The following SMAD1 variants were observed in gnomAD, a reference collection of about 807,000 sequenced individuals.
SMAD1 encodes the protein SMAD family member 1.
Under a neutral mutation model 41.6 loss-of-function variants are expected in SMAD1, and 6 were observed. The observed-to-expected ratio is 0.14, with a 90% confidence interval of 0.08 to 0.28. SMAD1 has a LOEUF of 0.28. Among genes scored for constraint, SMAD1 ranks in the 10% least tolerant of loss-of-function variants. SMAD1 has a pLI of 1.00. For missense variants in SMAD1, 379 were observed against 582.6 expected (o/e 0.65, Z 3.60); for synonymous variants, 206 against 203.2 (o/e 1.01, Z -0.12).
At chr4:145,498,885 A>G (rs1729255983) in intron 1 of SMAD1, among the ~76,000 whole-genome samples, 1 of 152,214 alleles carries the variant, frequency 6.6e-6, no homozygotes, top group South Asian at 2.1e-4. Flanking sequence ...TGGGTTATTT[A>G]GAACACGAAT....
chr4:145,550,399 GC>G (rs1402880347), intron 5 of SMAD1, among the ~76,000 whole-genome samples: 1 of 152,142 alleles, frequency 6.6e-6, no homozygotes, highest in Non-Finnish European at 1.5e-5. Context: ...TGTAATCCCA[GC>G]TACTCGGGAG....
intron 1 of SMAD1, among the ~76,000 whole-genome samples, chr4:145,502,241 T>G (rs1729484882): frequency 6.6e-6 from 1 of 152,172 alleles, no homozygotes; most frequent in African/African-American, 2.4e-5. Flanking sequence ...ATGGCCTTTA[T>G]CAGGATGAGC....
upstream of SMAD1, among the ~76,000 whole-genome samples, chr4:145,481,013 A>T (rs1040524156): frequency 6.6e-6 from 1 of 151,088 alleles, no homozygotes; most frequent in African/African-American, 2.4e-5. Context: ...ATTATGCAAG[A>T]TTTTATGCAG....
At chr4:145,494,277 C>T (rs1345818258) in intron 1 of SMAD1, among the ~76,000 whole-genome samples, 1 of 152,080 alleles carries the variant, frequency 6.6e-6, no homozygotes, top group African/African-American at 2.4e-5. Flanking sequence ...ATTCTTTCAG[C>T]AAGGTTTTGA....
At chr4:145,501,201 C>T (rs1049307163) in intron 1 of SMAD1, among the ~76,000 whole-genome samples, 3 of 152,184 alleles carry the variant, frequency 2.0e-5, no homozygotes, top group Non-Finnish European at 4.4e-5. Context: ...CTGACAATGA[C>T]AGATCAACAA....
At chr4:145,527,480 C>A (rs1470129410) in intron 2 of SMAD1, among the ~76,000 whole-genome samples, 2 of 152,110 alleles carry the variant, frequency 1.3e-5, no homozygotes, top group Non-Finnish European at 2.9e-5. Flanking sequence ...GCCTCGGCCT[C>A]CCAAAGTGCT....
At chr4:145,490,547 G>A (rs1728718812) in intron 1 of SMAD1, among the ~76,000 whole-genome samples, 1 of 152,160 alleles carries the variant, frequency 6.6e-6, no homozygotes, top group Non-Finnish European at 1.5e-5. Flanking sequence ...ATCACTTTGT[G>A]GCCTGGTAGG....
At chr4:145,486,791 C>CAGA (rs1336607841) in intron 1 of SMAD1, among the ~76,000 whole-genome samples, 5 of 152,102 alleles carry the variant, frequency 3.3e-5, no homozygotes, top group Non-Finnish European at 5.9e-5. Context: ...GTCTGAAGTC[C>CAGA]AGAGAAGGTA....
chr4:145,532,894 G>A (rs1186571804), intron 2 of SMAD1, among the ~76,000 whole-genome samples: 2 of 152,232 alleles, frequency 1.3e-5, no homozygotes, highest in Admixed American at 1.3e-4. Context: ...CCCAAGAAAT[G>A]AGAATTGCAC....
intron 2 of SMAD1, among the ~76,000 whole-genome samples, chr4:145,534,799 A>AT (rs531910850): frequency 2.8e-3 from 433 of 152,356 alleles, no homozygotes; most frequent in African/African-American, 0.01. Flanking sequence ...ATGAAACTTT[A>AT]TATGCACTAG....
chr4:145,549,539 A>G (rs1273345804), intron 5 of SMAD1, among the ~76,000 whole-genome samples: 1 of 152,236 alleles, frequency 6.6e-6, no homozygotes, highest in Non-Finnish European at 1.5e-5. Context: ...AAATTGTCAC[A>G]ATAGATGCAT....
intron 1 of SMAD1, among the ~76,000 whole-genome samples, chr4:145,486,095 AC>A (rs1156730628): frequency 6.6e-6 from 1 of 152,236 alleles, no homozygotes; most frequent in East Asian, 1.9e-4. Flanking sequence ...GCCAGTATAG[AC>A]ATGACTTGGC....
chr4:145,547,274 A>C (rs1435994447), intron 5 of SMAD1, among the ~76,000 whole-genome samples: 1 of 149,686 alleles, frequency 6.7e-6, no homozygotes, highest in Non-Finnish European at 1.5e-5. Context: ...ATTGTATTTC[A>C]AATGAATACC....
intron 1 of SMAD1, among the ~76,000 whole-genome samples, chr4:145,494,825 A>G (rs1423858210): frequency 6.6e-6 from 1 of 152,150 alleles, no homozygotes; most frequent in Non-Finnish European, 1.5e-5. Flanking sequence ...GCACTGTGTG[A>G]TGTCAGTTGT....
intron 2 of SMAD1, among the ~76,000 whole-genome samples, chr4:145,537,649 A>G (rs951133736): frequency 1.3e-5 from 2 of 152,142 alleles, no homozygotes; most frequent in Non-Finnish European, 2.9e-5. Context: ...TATATATATA[A>G]CAAGATGCTA....
chr4:145,551,273 A>G (rs1193550614), intron 5 of SMAD1, among the ~76,000 whole-genome samples: 1 of 152,226 alleles, frequency 6.6e-6, no homozygotes, highest in Non-Finnish European at 1.5e-5. Context: ...ACAATAACCA[A>G]GTTAGCGTTT....
At chr4:145,509,024 T>TA (rs753234991) in intron 1 of SMAD1, among the ~76,000 whole-genome samples, 8 of 152,204 alleles carry the variant, frequency 5.3e-5, no homozygotes, top group Non-Finnish European at 1.2e-4. Flanking sequence ...GTGTTGTTGA[T>TA]ACTTGTTTTA....
chr4:145,538,291 TG>T (rs1329312525), intron 2 of SMAD1, among the ~76,000 whole-genome samples: 1 of 152,206 alleles, frequency 6.6e-6, no homozygotes, highest in East Asian at 1.9e-4. Flanking sequence ...ATAGTTCAGA[TG>T]ACTATTGAAA....
chr4:145,481,782 C>T, upstream of SMAD1: 1 of 192,446 alleles, frequency 5.2e-6, no homozygotes, highest in Non-Finnish European at 1.1e-5. Flanking sequence ...GGCGGGCAGG[C>T]GAGTGCGCCG....
Sources: gnomAD v4.1 joint callset for allele counts (sites outside exome capture counted in the v4.1 genomes callset) on GRCh38, gnomAD v4.1.1 for gene constraint, MANE v1.5 for transcripts, NCBI Gene and HGNC (gene_info 2026-07-23, HGNC 2026-07-21) for gene names.